The following LSAMP variants were observed in gnomAD, a reference collection of about 807,000 sequenced individuals.
LSAMP encodes the protein limbic system associated membrane protein.
In LSAMP, 7 loss-of-function variants were observed where a neutral mutation model predicts 38.6. The observed-to-expected ratio is 0.18, with a 90% confidence interval of 0.10 to 0.34. LSAMP has a LOEUF of 0.34. LSAMP is among the 10% of genes least tolerant of loss of function. LSAMP has a pLI of 1.00. For missense variants in LSAMP, 313 were observed against 420.0 expected (o/e 0.75, Z 2.23); for synonymous variants, 154 against 166.8 (o/e 0.92, Z 0.59).
chr3:115,816,586 G>A, intron 6 of LSAMP: 1 of 1,263,882 alleles, frequency 7.9e-7, no homozygotes. Context: ...TTTGACATAT[G>A]GAAGGTAACC....
At chr3:116,382,828 T>C (rs2048579687) in intron 1 of LSAMP, among the ~76,000 whole-genome samples, 1 of 152,072 alleles carries the variant, frequency 6.6e-6, no homozygotes, top group Non-Finnish European at 1.5e-5. Flanking sequence ...CTTATTTGAC[T>C]TCAAGGTGAA....
At chr3:115,833,468 T>C (rs1397453956) in intron 6 of LSAMP, among the ~76,000 whole-genome samples, 1 of 152,016 alleles carries the variant, frequency 6.6e-6, no homozygotes, top group South Asian at 2.1e-4. Flanking sequence ...AACTGTCTAG[T>C]TGATCCTTGA....
At chr3:115,917,545 T>G (rs1447255127) in intron 3 of LSAMP, among the ~76,000 whole-genome samples, 1 of 152,194 alleles carries the variant, frequency 6.6e-6, no homozygotes, top group Non-Finnish European at 1.5e-5. Flanking sequence ...TATCTTTTAT[T>G]TTTCAGCATC....
In LSAMP at chr3:115,818,399, G is replaced by A. The variant is rs71323416; in HGVS notation, c.920-7985C>T. On this transcript the variant is annotated intron_variant, in intron 6 of 6. Transcript: ENST00000490035. Reference sequence around the variant, plus strand: ...ACTAAGTTTATGGTACACAGGCTTCGTGGGAATGATTTCAAGCAATTGTTC... The same window carrying A: ...ACTAAGTTTATGGTACACAGGCTTCATGGGAATGATTTCAAGCAATTGTTC... 9.2e-3 allele frequency among the ~76,000 whole-genome samples: 1,393 copies of A among 152,184 alleles called. 11 individuals carry two copies. Among genetic ancestry groups the A allele is most frequent in the Middle Eastern group, 0.071 (21 of 294 alleles).
At chr3:115,875,361 G>A (rs559845653) in intron 3 of LSAMP, among the ~76,000 whole-genome samples, 19 of 152,052 alleles carry the variant, frequency 1.2e-4, no homozygotes, top group Non-Finnish European at 2.4e-4. Flanking sequence ...TTAAAGTAGG[G>A]GTTTGATAAG....
intron 1 of LSAMP, among the ~76,000 whole-genome samples, chr3:116,365,780 G>A (rs1411634807): frequency 9.5e-6 from 1 of 105,782 alleles, no homozygotes; most frequent in African/African-American, 4.9e-5. Context: ...ACCAAACACC[G>A]CATATTCTCA....
intron 3 of LSAMP, among the ~76,000 whole-genome samples, chr3:115,871,763 G>A (rs945899708): frequency 1.3e-5 from 2 of 151,998 alleles, no homozygotes; most frequent in African/African-American, 4.8e-5. Flanking sequence ...AAGACTCTAG[G>A]AAGAACTAAA....
chr3:116,166,009 A>G (rs1387945507), intron 1 of LSAMP, among the ~76,000 whole-genome samples: 2 of 152,122 alleles, frequency 1.3e-5, no homozygotes, highest in Non-Finnish European at 2.9e-5. Context: ...TTATATGTTC[A>G]TATGTTTGTT....
At chr3:116,042,782 C>G (rs1484946424) in intron 2 of LSAMP, among the ~76,000 whole-genome samples, 1 of 152,058 alleles carries the variant, frequency 6.6e-6, no homozygotes, top group Non-Finnish European at 1.5e-5. Flanking sequence ...TCTTTTTCAC[C>G]ATTCTGCATG....
At chr3:115,858,000 G>A (rs1217344579) in intron 3 of LSAMP, among the ~76,000 whole-genome samples, 1 of 152,126 alleles carries the variant, frequency 6.6e-6, no homozygotes, top group Non-Finnish European at 1.5e-5. Flanking sequence ...TATGCAAAAT[G>A]TTGACTGATT....
chr3:115,935,401 A>G (rs1937666646), intron 3 of LSAMP, among the ~76,000 whole-genome samples: 2 of 152,172 alleles, frequency 1.3e-5, no homozygotes, highest in South Asian at 4.1e-4. Flanking sequence ...GGAATGAACT[A>G]CAGACAATGG....
intron 1 of LSAMP, among the ~76,000 whole-genome samples, chr3:116,340,387 C>A (rs574768577): frequency 6.6e-6 from 1 of 151,914 alleles, no homozygotes; most frequent in African/African-American, 2.4e-5. Context: ...TCTCTACATA[C>A]CCCAGTGTAG....
At chr3:115,934,264 C>CG (rs1024331344) in intron 3 of LSAMP, among the ~76,000 whole-genome samples, 11 of 151,788 alleles carry the variant, frequency 7.2e-5, no homozygotes, top group African/African-American at 2.7e-4. Flanking sequence ...CTGCAACCTC[C>CG]GCCTCCCTAG....
At chr3:116,091,275 C>G (rs1417381419) in intron 1 of LSAMP, among the ~76,000 whole-genome samples, 1 of 152,210 alleles carries the variant, frequency 6.6e-6, no homozygotes, top group East Asian at 1.9e-4. Context: ...ATTCCCTGAA[C>G]AATTGCTGTT....
intron 1 of LSAMP, among the ~76,000 whole-genome samples, chr3:116,154,432 C>T (rs1421850268): frequency 6.6e-6 from 1 of 152,116 alleles, no homozygotes; most frequent in African/African-American, 2.4e-5. Context: ...AATCCATTCT[C>T]CACAATAAGA....
At chr3:116,324,980 C>T (rs1266043245) in intron 1 of LSAMP, among the ~76,000 whole-genome samples, 2 of 151,976 alleles carry the variant, frequency 1.3e-5, no homozygotes, top group African/African-American at 4.8e-5. Context: ...ATACACATAT[C>T]TACTGGCATT....
At chr3:116,396,837 C>T (rs1399393757) in intron 1 of LSAMP, among the ~76,000 whole-genome samples, 10 of 152,144 alleles carry the variant, frequency 6.6e-5, no homozygotes, top group Non-Finnish European at 7.4e-5. Context: ...TTGGAAGCTC[C>T]GTTCTTCCAG....
chr3:116,195,152 A>T (rs1710853261), intron 1 of LSAMP, among the ~76,000 whole-genome samples: 1 of 152,152 alleles, frequency 6.6e-6, no homozygotes. Context: ...TTTCCTCTAG[A>T]GATCAATCCC....
chr3:116,444,597 A>G (rs1188683367), intron 1 of LSAMP, among the ~76,000 whole-genome samples: 1 of 152,012 alleles, frequency 6.6e-6, no homozygotes, highest in Non-Finnish European at 1.5e-5. Context: ...CTTCCTTGAT[A>G]AGAGAAACAA....
Sources: gnomAD v4.1 joint callset for allele counts (sites outside exome capture counted in the v4.1 genomes callset) on GRCh38, gnomAD v4.1.1 for gene constraint, MANE v1.5 for transcripts, NCBI Gene and HGNC (gene_info 2026-07-23, HGNC 2026-07-21) for gene names.